Variants in COCH observed in about 807,000 individuals in gnomAD.
COCH encodes cochlin.
In COCH, 40 loss-of-function variants were observed where a neutral mutation model predicts 54.8. That is an observed-to-expected ratio of 0.73 (90% confidence interval 0.57 to 0.95). COCH has a LOEUF of 0.95. COCH is among the 40% of genes least tolerant of loss of function. The pLI, the probability that COCH is intolerant of heterozygous loss-of-function variation, is 0.00. For synonymous variants in COCH, 256 were observed against 237.9 expected, an observed-to-expected ratio of 1.08 and a Z score of -0.70; for missense variants, 605 against 675.0, an observed-to-expected ratio of 0.90 and a Z score of 1.15.
chr14:30,888,528 TC>T (rs1179542136), intron 11 of COCH, among the ~76,000 whole-genome samples: 1 of 151,160 alleles, frequency 6.6e-6, no homozygotes, highest in Non-Finnish European at 1.5e-5. Flanking sequence ...ATGCCTGTAA[TC>T]CCAGCACTTT....
intron 6 of COCH, 63 bp downstream of exon 6, chr14:30,879,548 G>T (rs571628762): frequency 6.5e-7 from 1 of 1,532,198 alleles, no homozygotes; most frequent in Non-Finnish European, 9.0e-7. Flanking sequence ...ATGAATAAAC[G>T]TGTTGTTGGT....
chr14:30,893,581 A>T (rs28725769), downstream of COCH, among the ~76,000 whole-genome samples: 2,933 of 152,302 alleles, frequency 0.019, 88 homozygotes, highest in African/African-American at 0.067. Flanking sequence ...CAGATTTAAT[A>T]ATGTAACAGG....
rs767288400 is a variant in COCH, at chr14:30,880,499, A to G, written c.481+3A>G. 2 of 1,614,170 alleles carry G rather than the reference A, an allele frequency of 1.2e-6. No homozygotes were observed. The highest frequency in any genetic ancestry group is 1.7e-6 in the Non-Finnish European group (2 of 1,180,026). On this transcript the variant is annotated splice_donor_region_variant and intron_variant, in intron 7 of 11. Coordinates refer to ENST00000396618, the MANE Select transcript of COCH (RefSeq NM_004086.3). ...CGAGAAGAAAACTGGCAATAAAGGT[A>G]AGAATCAAGATCTCCATTTGGGAAG...
Position 30,885,552 on chromosome 14 carries a change from A to G in COCH, c.892A>G (p.Ile298Val), listed in dbSNP as rs550268175. Residue 298 changes from isoleucine to valine, a missense_variant, in exon 10 of 12, where the codon ATA becomes GTA. Coordinates refer to ENST00000396618, the MANE Select transcript of COCH (RefSeq NM_004086.3). ...VAREFGVNVF[I>V]VSVAKPIPEE... ...CAGAGAGTTTGGTGTCAATGTATTT[A>G]TAGTTTCTGTGGCCAAGCCTATCCC... 8.7e-6 allele frequency: 14 copies of G among 1,613,464 alleles called. 1 individual carries two copies. Among genetic ancestry groups the G allele is most frequent in the African/African-American group, 6.7e-5 (5 of 75,012 alleles).
At chr14:30,882,196 C>T (rs910937625) in intron 8 of COCH, among the ~76,000 whole-genome samples, 2 of 121,748 alleles carry the variant, frequency 1.6e-5, no homozygotes, top group Non-Finnish European at 3.2e-5. Flanking sequence ...ATGGCACGAT[C>T]TTTGTTCACT....
intron 3 of COCH, among the ~76,000 whole-genome samples, chr14:30,876,897 C>T (rs928085247): frequency 1.3e-5 from 2 of 152,028 alleles, no homozygotes; most frequent in African/African-American, 4.8e-5. Flanking sequence ...CTCCCGGGCT[C>T]AAGCAATCCT....
At position 30,874,971 on chromosome 14, in the gene COCH, C is replaced by G; in HGVS notation, c.33C>G (p.Leu11=). ...CAGCCTGGATCCCGGCTCTCGGCCTCGGTGGGTGCGCGCCCCTCACGACCC... is the reference window on the plus strand; with the variant it reads ...CAGCCTGGATCCCGGCTCTCGGCCTGGGTGGGTGCGCGCCCCTCACGACCC... MSAAWIPALG[L]GVCLLLLPGP... is the part of the protein sequence containing the mutation. Residue 11 remains leucine, a splice_region_variant and synonymous_variant, in exon 2 of 12, where the codon CTC becomes CTG. Transcript: ENST00000396618. The G allele has an allele frequency of 6.2e-7, 1 of 1,613,370 alleles. No homozygotes were observed. Among genetic ancestry groups the G allele is most frequent in the South Asian group, 1.1e-5 (1 of 91,072 alleles).
chr14:30,877,709 T>A lies in COCH; in HGVS notation c.220T>A (p.Cys74Ser), dbSNP rs887756447. The A allele has an allele frequency of 1.2e-6, 2 of 1,614,226 alleles. No homozygotes were observed. The highest frequency in any genetic ancestry group is 1.7e-6 in the Non-Finnish European group (2 of 1,180,044). Residue 74 changes from cysteine to serine, a missense_variant, in exon 4 of 12, where the codon TGT (cysteine) becomes AGT (serine). Transcript: ENST00000396618. The surrounding 1 kb of genome is among the most constrained non-coding windows in gnomAD (Gnocchi z 8.6). ...AGTATATGCTTCTGTATCGAGCATA[T>A]GTGGGGCTGCTGTCCACAGGTAAGC... ...NIVYASVSSI[C>S]GAAVHRGVIS... is the part of the protein sequence containing the mutation.
At position 30,889,634 on chromosome 14, in the gene COCH, T is replaced by A; in HGVS notation, c.1496T>A (p.Val499Asp). ...ATTGTAGGAATCACTATCTTCTCTG[T>A]TGGTGTGGCTTGGGCACCTCTGGAT... Reference protein sequence around the residue: ...AHDAGITIFSVGVAWAPLDDL... With the variant: ...AHDAGITIFSDGVAWAPLDDL... Residue 499 changes from valine (V) to aspartate (D), a missense_variant, in exon 12 of 12, where the codon GTT (valine) becomes GAT (aspartate). Physicochemically the swap from Val to Asp is radical, Grantham distance 152. Coordinates refer to ENST00000396618, the MANE Select transcript of COCH (RefSeq NM_004086.3). 6.2e-7 allele frequency: 1 copy of A among 1,614,010 alleles called. No homozygotes were observed. Among genetic ancestry groups the A allele is most frequent in the Non-Finnish European group, 8.5e-7 (1 of 1,179,884 alleles).
At chr14:30,885,340 A>T (rs1270656011) in intron 9 of COCH, 54 bp from the exon 10 acceptor site, 8 of 1,405,948 alleles carry the variant, frequency 5.7e-6, no homozygotes, top group Non-Finnish European at 8.1e-6. Flanking sequence ...GGGAAACAGA[A>T]ATGTGGTTTG....
chr14:30,886,364 A>G (rs763427380), intron 11 of COCH, 52 bp downstream of exon 11: 1 of 1,585,970 alleles, frequency 6.3e-7, no homozygotes, highest in East Asian at 2.2e-5. Flanking sequence ...CGGTTCAGTG[A>G]ATTTAGGAGT....
chr14:30,890,679 A>G (rs1895952144), downstream of COCH: 2 of 559,040 alleles, frequency 3.6e-6, no homozygotes, highest in East Asian at 1.5e-4. Flanking sequence ...ATTCATGTGG[A>G]AAGACCAATC....
intron 3 of COCH, chr14:30,875,864 C>T (rs919615925): frequency 6.6e-6 from 1 of 152,286 alleles, no homozygotes; most frequent in Non-Finnish European, 1.5e-5. Context: ...ATTCCGATGC[C>T]GCCCCCATCT....
rs1193239839 is a variant in COCH, at chr14:30,880,702, A to G, written c.597A>G (p.Thr199=). 2 of 1,614,012 alleles carry G rather than the reference A, an allele frequency of 1.2e-6. No individual in the cohort carries two copies. The highest frequency in any genetic ancestry group is 1.7e-6 in the Non-Finnish European group (2 of 1,179,890). ...TGGCTCTAATGTTGGGAATTGGAAC[A>G]GAAGGACCACATGTGGGCCTTGTTC... ...GKVALMLGIG[T]EGPHVGLVQA... Residue 199 remains threonine (T), a synonymous_variant, in exon 8 of 12, where the codon ACA becomes ACG. Transcript: ENST00000396618.
chr14:30,893,914 C>A (rs926979559), downstream of COCH: 3 of 152,446 alleles, frequency 2.0e-5, no homozygotes, highest in Non-Finnish European at 4.4e-5. Context: ...TTATTATATG[C>A]ATTTTATATA....
At chr14:30,880,423 G>A in intron 6 of COCH, 29 bp from the exon 7 acceptor site, 5 of 1,612,490 alleles carry the variant, frequency 3.1e-6, no homozygotes, top group Non-Finnish European at 4.2e-6. Flanking sequence ...TCTTCCTTTT[G>A]TTAATGCCAA....
Position 30,890,152 on chromosome 14 carries a change from C to G in COCH, c.*361C>G. ...ACTTAGACCAAAAGCAACATTCGTT[C>G]TCTAACCATTCTGTATTGATTATAT... On this transcript the variant is annotated 3_prime_UTR_variant, in exon 12 of 12. Coordinates refer to ENST00000396618, the MANE Select transcript of COCH (RefSeq NM_004086.3). 9.9e-7 allele frequency: 1 copy of G among 1,010,462 alleles called. No homozygotes were observed. The highest frequency in any genetic ancestry group is 1.2e-6 in the Non-Finnish European group (1 of 844,352). The allele number at this position is 1,010,462 out of a possible 1,614,324, so 62.6% of individuals were successfully genotyped here.
intron 8 of COCH, among the ~76,000 whole-genome samples, 167 bp downstream of exon 8, chr14:30,880,901 CTT>C (rs1257589008): frequency 6.6e-6 from 1 of 152,142 alleles, no homozygotes; most frequent in African/African-American, 2.4e-5. Context: ...TTGATCATTT[CTT>C]TGTGTTGGAT....
chr14:30,888,123 G>T (rs1268890156), intron 11 of COCH, among the ~76,000 whole-genome samples: 5 of 146,754 alleles, frequency 3.4e-5, no homozygotes, highest in African/African-American at 9.8e-5. Context: ...GAGTACAGTG[G>T]TGTGATTATT....
Sources: allele counts gnomAD v4.1 joint callset (sites outside exome capture counted in the v4.1 genomes callset), GRCh38; gene constraint gnomAD v4.1.1; non-coding constraint Gnocchi (gnomAD v3.1); transcripts MANE v1.5; gene names NCBI Gene and HGNC (gene_info 2026-07-23, HGNC 2026-07-21).